Variants in CAD observed in about 807,000 individuals in gnomAD.
CAD encodes multifunctional protein CAD.
CAD carries 81 observed loss-of-function variants against 237.2 expected under a neutral mutation model. That is an observed-to-expected ratio of 0.34 (90% confidence interval 0.29 to 0.41). CAD has a LOEUF of 0.41. Among genes scored for constraint, CAD ranks in the 10% least tolerant of loss-of-function variants. CAD has a pLI of 1.00. For missense variants in CAD, 2,181 were observed against 2,951.7 expected, an observed-to-expected ratio of 0.74 and a Z score of 6.05; for synonymous variants, 1,196 against 1,162.8, an observed-to-expected ratio of 1.03 and a Z score of -0.58.
rs1216690576 is a variant in CAD, at chr2:27,222,596, A to G, written c.573A>G (p.Arg191=). 11 of 1,614,006 alleles carry G rather than the reference A, an allele frequency of 6.8e-6. No homozygotes were observed. Among genetic ancestry groups the G allele is most frequent in the Non-Finnish European group, 9.3e-6 (11 of 1,180,028 alleles). The part of the protein sequence containing the change: ...LDCGLKYNQI[R]CLCQRGAEVT... ...GTGGCCTCAAGTATAATCAGATCCG[A>G]TGCCTCTGCCAGCGTGGGGCTGAGG... Residue 191 remains arginine, a synonymous_variant, in exon 5 of 44, where the codon CGA becomes CGG. Coordinates refer to ENST00000264705, the MANE Select transcript of CAD (RefSeq NM_004341.5).
intron 30 of CAD, 49 bp from the exon 31 acceptor site, chr2:27,238,382 G>A (rs1261218322): frequency 1.3e-6 from 2 of 1,515,272 alleles, no homozygotes; most frequent in South Asian, 2.6e-5. Context: ...TTTGTGTAGG[G>A]CAAGGCATAT....
At chr2:27,229,962 G>A (rs905589801) in intron 15 of CAD, among the ~76,000 whole-genome samples, 3 of 152,118 alleles carry the variant, frequency 2.0e-5, no homozygotes, top group Admixed American at 1.3e-4. Flanking sequence ...AGTTGGTTGG[G>A]CGCAGTGGCA....
Position 27,226,749 on chromosome 2 carries a change from G to A in CAD, c.2157-83G>A, listed in dbSNP as rs1297452754. On this transcript the variant is annotated intron_variant, in intron 14 of 43. Transcript: ENST00000264705. The stretch of plus-strand genomic sequence containing the variant: ...ATGAAAAGGACATTGGCCTGGATTT[G>A]TGGGAATGGAAAGAGCTATCCGGAA... 8 of 1,602,754 alleles carry A rather than the reference G, an allele frequency of 5.0e-6. No homozygotes were observed. The East Asian group carries it at 1.8e-4, about 36-fold the overall frequency.
intron 31 of CAD, 22 bp downstream of exon 31, chr2:27,238,654 C>T (rs1676142454): frequency 3.1e-6 from 5 of 1,587,790 alleles, no homozygotes; most frequent in Non-Finnish European, 4.3e-6. Context: ...CAGCATGTAC[C>T]TCCTCTGCCC....
In CAD at chr2:27,232,361, C is replaced by G; in HGVS notation, c.2646-87C>G. 6.3e-7 allele frequency: 1 copy of G among 1,583,104 alleles called. No individual in the cohort carries two copies. The highest frequency in any genetic ancestry group is 8.6e-7 in the Non-Finnish European group (1 of 1,163,606). ...CTGACCTTGGTTCCAAGGATATTTC[C>G]TCTCATCTGTGCCCTGGGGTCTCAA... On this transcript the variant is annotated intron_variant, in intron 17 of 43. Coordinates refer to ENST00000264705, the MANE Select transcript of CAD (RefSeq NM_004341.5). This position sits in a 1 kb window ranked among gnomAD's most constrained non-coding sequence, Gnocchi z 4.1.
rs373210754 is a variant in CAD at position 27,231,522 on chromosome 2, G to A, written c.2342G>A (p.Arg781His). 5 of 1,613,726 alleles carry A rather than the reference G, an allele frequency of 3.1e-6. No individual in the cohort carries two copies. The highest frequency in any genetic ancestry group is 1.1e-5 in the South Asian group (1 of 91,074). ...GAGGAGGCCTTCCAGAAGGCCCTGC[G>A]CATGGTGGATGAGAACTGTGTGGGC... is the stretch of plus-strand genomic sequence containing the variant. ...SFEEAFQKAL[R>H]MVDENCVGFD... The change falls in exon 16 of 44, where the codon CGC becomes CAC. Residue 781 changes from arginine (R) to histidine (H), a missense_variant. By Grantham distance (29) the Arg-to-His change is conservative (BLOSUM62 0). Around this residue, in one of 12 missense-constraint regions of CAD, gnomAD observed 385 missense variants for 535.1 expected, o/e 0.72. Transcript: ENST00000264705.
At position 27,219,675 on chromosome 2, in the gene CAD, C is replaced by T. The variant is rs373158459; in HGVS notation, c.223-1543C>T. Among the ~76,000 whole-genome samples the T allele has an allele frequency of 2.8e-4, 42 of 152,114 alleles. 1 individual carries two copies. Among genetic ancestry groups the T allele is most frequent in the East Asian group, 2.3e-3 (12 of 5,184 alleles). ...GGCAACCTTGGCTCACTGCAACCTCCGCCTCCCGGGTTCAAGCTATTCTCC... is the reference window on the plus strand; with the variant it reads ...GGCAACCTTGGCTCACTGCAACCTCTGCCTCCCGGGTTCAAGCTATTCTCC... On this transcript the variant is annotated intron_variant, in intron 2 of 43. Coordinates refer to ENST00000264705, the MANE Select transcript of CAD (RefSeq NM_004341.5).
chr2:27,224,509 C>T lies in CAD; in HGVS notation c.1254+19C>T, dbSNP rs757728215. On this transcript the variant is annotated intron_variant, in intron 9 of 43. Coordinates refer to ENST00000264705, the MANE Select transcript of CAD (RefSeq NM_004341.5). ...CTCTCAGGTGAGGCATGTTCCTCCC[C>T]ACCCTTCTGGGCGTGTGACCCTCAA... 6.2e-7 allele frequency: 1 copy of T among 1,612,002 alleles called. No individual in the cohort carries two copies. The highest frequency in any genetic ancestry group is 8.5e-7 in the Non-Finnish European group (1 of 1,178,720).
In CAD at chr2:27,232,407, T is replaced by C. The variant is rs751152997; in HGVS notation, c.2646-41T>C. 2 of 1,612,512 alleles carry C rather than the reference T, an allele frequency of 1.2e-6. No homozygotes were observed. Among genetic ancestry groups the C allele is most frequent in the South Asian group, 1.1e-5 (1 of 90,734 alleles). On this transcript the variant is annotated intron_variant, in intron 17 of 43. Coordinates refer to ENST00000264705, the MANE Select transcript of CAD (RefSeq NM_004341.5). This position sits in a 1 kb window ranked among gnomAD's most constrained non-coding sequence, Gnocchi z 4.1. ...CTCAACCCTCTATCAGTCTGTACCC[T>C]ACTCTCTGGGCCTGTGTTTCAGACC...
rs1353320827 is a variant in CAD, at chr2:27,241,399, C to A, written c.5883+3C>A. ...AGCGGAGCCTCGACATCCTGAAGGTCAGGATCAGGGCCGGGGGTAGGGTCC... is the reference window on the plus strand; with the variant it reads ...AGCGGAGCCTCGACATCCTGAAGGTAAGGATCAGGGCCGGGGGTAGGGTCC... On this transcript the variant is annotated splice_donor_region_variant and intron_variant, in intron 38 of 43. Transcript: ENST00000264705. The surrounding 1 kb of genome is among the most constrained non-coding windows in gnomAD (Gnocchi z 4.6). 5 of 1,614,004 alleles carry A rather than the reference C, an allele frequency of 3.1e-6. No homozygotes were observed. The African/African-American group carries it at 6.7e-5, about 22-fold the overall frequency.
rs765611426 is a variant in CAD at position 27,221,260 on chromosome 2, G to A, written c.265G>A (p.Gly89Arg). 27 of 1,585,318 alleles carry A rather than the reference G, an allele frequency of 1.7e-5. No individual in the cohort carries two copies. Among genetic ancestry groups the A allele is most frequent in the Non-Finnish European group, 2.3e-5 (27 of 1,164,932 alleles). Reference sequence around the variant, plus strand: ...CATCCACGTAGCAGCACTGGTAGTGGGAGAGTGCTGTCCTACTCCCAGCCA... The same window carrying A: ...CATCCACGTAGCAGCACTGGTAGTGAGAGAGTGCTGTCCTACTCCCAGCCA... The part of the protein sequence containing the change: ...SGIHVAALVV[G>R]ECCPTPSHWS... The change falls in exon 3 of 44, where the codon GGA becomes AGA. Residue 89 changes from glycine (G) to arginine (R), a missense_variant. Gly to Arg is a moderately radical substitution (Grantham distance 125). Around this residue, in one of 12 missense-constraint regions of CAD, gnomAD observed 314 missense variants for 339.4 expected, o/e 0.93. Transcript: ENST00000264705.
Position 27,242,176 on chromosome 2 carries a change from A to C in CAD, c.6096+53A>C. The C allele has an allele frequency of 1.3e-6, 2 of 1,597,852 alleles. No individual in the cohort carries two copies. Among genetic ancestry groups the C allele is most frequent in the South Asian group, 2.2e-5 (2 of 90,358 alleles). On this transcript the variant is annotated intron_variant, in intron 39 of 43. Coordinates refer to ENST00000264705, the MANE Select transcript of CAD (RefSeq NM_004341.5). The surrounding 1 kb of genome is among the most constrained non-coding windows in gnomAD (Gnocchi z 6.4). ...GGTTAAGAAGGCTGGACCCAGGGGC[A>C]TGAGAACCCTTCTGCCCACGTTTTC...
rs757776539 is a variant in CAD at position 27,237,484 on chromosome 2, G to C, written c.4502G>C (p.Cys1501Ser). The change falls in exon 28 of 44, where the codon TGT becomes TCT. Residue 1501 changes from cysteine to serine, a missense_variant. Physicochemically the swap from Cys to Ser is moderately radical, Grantham distance 112. Coordinates refer to ENST00000264705, the MANE Select transcript of CAD (RefSeq NM_004341.5). This position sits in a 1 kb window ranked among gnomAD's most constrained non-coding sequence, Gnocchi z 4.0. ...CTGGCTGGGGGTATCACCATGGTGT[G>C]TGCCATGCCTAATACCCGGCCCCCC... ...AALAGGITMV[C>S]AMPNTRPPII... is the part of the protein sequence containing the mutation. The C allele has an allele frequency of 6.2e-7, 1 of 1,614,188 alleles. No homozygotes were observed. The highest frequency in any genetic ancestry group is 8.5e-7 in the Non-Finnish European group (1 of 1,180,002).
rs527494589 is a variant in CAD, at chr2:27,226,071, C to T, written c.1843-60C>T. The T allele has an allele frequency of 4.7e-5, 73 of 1,542,622 alleles. No individual in the cohort carries two copies. The African/African-American group carries it at 8.8e-4, about 19-fold the overall frequency. ...CCAGAGGTAACAGGACCCTGGGGTG[C>T]AGCCTTCTGCCTCTCCTGACTCTGC... On this transcript the variant is annotated intron_variant, in intron 12 of 43. Coordinates refer to ENST00000264705, the MANE Select transcript of CAD (RefSeq NM_004341.5).
chr2:27,225,235 C>G lies in CAD; in HGVS notation c.1612C>G (p.Leu538Val), dbSNP rs779040946. The G allele has an allele frequency of 1.2e-6, 2 of 1,606,192 alleles. No individual in the cohort carries two copies. Among genetic ancestry groups the G allele is most frequent in the Middle Eastern group, 1.7e-4 (1 of 6,044 alleles). The change falls in exon 11 of 44, where the codon CTT becomes GTT. Residue 538 changes from leucine (L) to valine (V), a missense_variant. Coordinates refer to ENST00000264705, the MANE Select transcript of CAD (RefSeq NM_004341.5). ...HVAPSEAANSLEQAQAAAERL... is the reference protein window; with the variant it reads ...HVAPSEAANSVEQAQAAAERL... ...GGCCCCGAGCGAGGCAGCAAATTCT[C>G]TTGAACAGGTTGGAGGGGTGTTTGG...
intron 3 of CAD, among the ~76,000 whole-genome samples, 161 bp downstream of exon 3, chr2:27,221,508 A>G (rs1031440867): frequency 1.3e-5 from 2 of 152,198 alleles, no homozygotes; most frequent in Non-Finnish European, 2.9e-5. Flanking sequence ...ATCACTCAGA[A>G]AGAAAATTTC....
At position 27,226,195 on chromosome 2, in the gene CAD, C is replaced by G; in HGVS notation, c.1907C>G (p.Pro636Arg). 1 of 1,614,134 alleles carries G rather than the reference C, an allele frequency of 6.2e-7. No individual in the cohort carries two copies. The highest frequency in any genetic ancestry group is 8.5e-7 in the Non-Finnish European group (1 of 1,179,954). Residue 636 changes from proline (P) to arginine (R), a missense_variant, in exon 13 of 44, where the codon CCT becomes CGT. This residue lies in a region of CAD where 385 missense variants were observed against 535.1 expected (regional missense o/e 0.72). Coordinates refer to ENST00000264705, the MANE Select transcript of CAD (RefSeq NM_004341.5). The stretch of plus-strand genomic sequence containing the variant: ...ACTGGTGAGTCCATAGTGGTGGCCC[C>G]TAGCCAGACACTGAATGACAGGGAG... Reference protein sequence around the residue: ...IHTGESIVVAPSQTLNDREYQ... With the variant: ...IHTGESIVVARSQTLNDREYQ...
chr2:27,236,936 G>A lies in CAD; in HGVS notation c.4396+106G>A. The A allele has an allele frequency of 1.1e-6, 1 of 899,420 alleles. No individual in the cohort carries two copies. The highest frequency in any genetic ancestry group is 1.3e-5 in the South Asian group (1 of 75,158). 55.7% of individuals were successfully genotyped at this position (899,420 alleles called of 1,614,324 possible). A position where few individuals can be genotyped will look rare whatever the true frequency, so the allele number is the denominator to read the frequency against. On this transcript the variant is annotated intron_variant, in intron 27 of 43. Transcript: ENST00000264705. This position sits in a 1 kb window ranked among gnomAD's most constrained non-coding sequence, Gnocchi z 4.1. ...GGGGGCCCACTCTTTGTCCTGGACT[G>A]CACAGACTGTGAAGACCCCAGAATG...
chr2:27,221,741 T>G (rs1270007307), intron 3 of CAD, among the ~76,000 whole-genome samples: 4 of 148,934 alleles, frequency 2.7e-5, no homozygotes, highest in African/African-American at 7.5e-5. Context: ...AGGCAATGTT[T>G]AAAATTTCCC....
Sources: gnomAD v4.1 joint callset for allele counts (sites outside exome capture counted in the v4.1 genomes callset) on GRCh38, gnomAD v4.1.1 for gene constraint, gnomAD v4.1.1 regional missense constraint, Gnocchi (gnomAD v3.1) non-coding constraint, MANE v1.5 for transcripts, NCBI Gene and HGNC (gene_info 2026-07-23, HGNC 2026-07-21) for gene names.